ZNF385D: variants seen among roughly 807,000 people sequenced by gnomAD.
ZNF385D encodes zinc finger protein 385D.
A neutral mutation model predicts 35.8 loss-of-function variants in ZNF385D; 15 were observed. The ratio of observed to expected loss-of-function variants is 0.42; its 90% confidence interval spans 0.28 to 0.64. ZNF385D has a LOEUF of 0.64. ZNF385D is among the 30% of genes least tolerant of loss of function. The probability of loss-of-function intolerance (pLI) is 0.23; values close to 1 mark genes in which losing one functional copy is unlikely to be tolerated. For synonymous variants in ZNF385D, 212 were observed against 186.8 expected (o/e 1.13, Z -1.10); for missense variants, 474 against 494.6 (o/e 0.96, Z 0.39).
intron 2 of ZNF385D, among the ~76,000 whole-genome samples, chr3:22,197,217 A>G (rs1350977148): frequency 1.3e-5 from 2 of 152,152 alleles, no homozygotes; most frequent in African/African-American, 2.4e-5. Flanking sequence ...GTAATTTGAC[A>G]TATTTTGGCA....
chr3:22,167,867 T>C (rs1007044536), intron 3 of ZNF385D, among the ~76,000 whole-genome samples: 1 of 152,172 alleles, frequency 6.6e-6, no homozygotes, highest in Non-Finnish European at 1.5e-5. Context: ...TAAAAAATCC[T>C]TTCCAATAGA....
intron 2 of ZNF385D, among the ~76,000 whole-genome samples, chr3:21,584,493 C>T (rs184871050): frequency 2.0e-5 from 3 of 152,184 alleles, no homozygotes; most frequent in Admixed American, 1.3e-4. Flanking sequence ...GCCAAAAGGC[C>T]GAGAAGCTAT....
At chr3:22,091,688 C>G (rs187280007) in intron 3 of ZNF385D, among the ~76,000 whole-genome samples, 3 of 152,280 alleles carry the variant, frequency 2.0e-5, no homozygotes, top group Non-Finnish European at 4.4e-5. Flanking sequence ...CAGAGCCCCC[C>G]GACTGAAGGA....
chr3:22,205,622 G>A (rs910954293), intron 2 of ZNF385D, among the ~76,000 whole-genome samples: 2 of 151,970 alleles, frequency 1.3e-5, no homozygotes, highest in Non-Finnish European at 2.9e-5. Context: ...AAAATGTGGA[G>A]TCTTCATTAG....
At chr3:22,162,820 G>T (rs527536891) in intron 3 of ZNF385D, among the ~76,000 whole-genome samples, 1 of 152,276 alleles carries the variant, frequency 6.6e-6, no homozygotes, top group East Asian at 1.9e-4. Context: ...AATCAGAGAT[G>T]AACCTTCAGA....
intron 3 of ZNF385D, among the ~76,000 whole-genome samples, chr3:21,926,921 C>G (rs1278114129): frequency 6.6e-6 from 1 of 152,088 alleles, no homozygotes; most frequent in Non-Finnish European, 1.5e-5. Flanking sequence ...GGCTAATATC[C>G]AGAATCTACA....
At chr3:22,025,310 C>G (rs1300683288) in intron 3 of ZNF385D, among the ~76,000 whole-genome samples, 1 of 152,122 alleles carries the variant, frequency 6.6e-6, no homozygotes, top group Non-Finnish European at 1.5e-5. Context: ...GTTGATTCTC[C>G]TTAGAAGCCA....
At chr3:22,240,328 A>T (rs1264209488) in intron 2 of ZNF385D, among the ~76,000 whole-genome samples, 6 of 151,222 alleles carry the variant, frequency 4.0e-5, no homozygotes, top group African/African-American at 1.5e-4. Context: ...CACGGAAAGA[A>T]CACACATAAC....
chr3:22,007,932 T>G (rs1175068178), intron 3 of ZNF385D, among the ~76,000 whole-genome samples: 1 of 151,964 alleles, frequency 6.6e-6, no homozygotes, highest in Non-Finnish European at 1.5e-5. Flanking sequence ...CCTCTGAATT[T>G]TGAATTTTGT....
At chr3:22,297,248 A>G (rs548814042) in intron 2 of ZNF385D, among the ~76,000 whole-genome samples, 20 of 151,992 alleles carry the variant, frequency 1.3e-4, no homozygotes, top group Non-Finnish European at 1.9e-4. Context: ...GATCCCCCCA[A>G]TAGGACCTAT....
intron 3 of ZNF385D, among the ~76,000 whole-genome samples, chr3:21,921,391 A>G (rs1700453824): frequency 6.6e-6 from 1 of 152,178 alleles, no homozygotes; most frequent in African/African-American, 2.4e-5. Flanking sequence ...GAGGATGCCA[A>G]ATGTATTAAG....
At chr3:21,851,075 CTAA>C (rs1696353665) in intron 3 of ZNF385D, among the ~76,000 whole-genome samples, 1 of 150,298 alleles carries the variant, frequency 6.7e-6, no homozygotes, top group Non-Finnish European at 1.5e-5. Flanking sequence ...TTTAAAACAG[CTAA>C]TATTATTACC....
intron 3 of ZNF385D, among the ~76,000 whole-genome samples, chr3:22,079,415 T>C (rs6800479): frequency 0.21 from 31,539 of 151,840 alleles, 3,747 homozygotes; most frequent in Non-Finnish European, 0.26. Context: ...AAATTGACAT[T>C]CTGTTGAAGA....
chr3:21,918,426 G>C (rs10865776), intron 3 of ZNF385D, among the ~76,000 whole-genome samples: 81,337 of 151,972 alleles, frequency 0.54, 23,821 homozygotes, highest in South Asian at 0.66. Context: ...GTAAAAGTAG[G>C]GACTTTTAAG....
chr3:21,834,724 G>C (rs1452513854), intron 3 of ZNF385D, among the ~76,000 whole-genome samples: 3 of 151,956 alleles, frequency 2.0e-5, no homozygotes, highest in Non-Finnish European at 4.4e-5. Context: ...TCTCATCTTG[G>C]ACTGTAATCC....
At chr3:21,853,500 T>C (rs924717594) in intron 3 of ZNF385D, among the ~76,000 whole-genome samples, 1 of 131,002 alleles carries the variant, frequency 7.6e-6, no homozygotes, top group Non-Finnish European at 1.6e-5. Context: ...TGTTTAAAAT[T>C]GCAGTCCTTT....
At chr3:21,491,974 GC>G (rs1305012935) in intron 4 of ZNF385D, among the ~76,000 whole-genome samples, 2 of 151,948 alleles carry the variant, frequency 1.3e-5, no homozygotes, top group Non-Finnish European at 2.9e-5. Flanking sequence ...TTTAGATAAA[GC>G]TTTCATTAAA....
At chr3:22,000,900 G>C (rs866465643) in intron 3 of ZNF385D, among the ~76,000 whole-genome samples, 2 of 124,970 alleles carry the variant, frequency 1.6e-5, no homozygotes, top group Non-Finnish European at 3.1e-5. Flanking sequence ...AATATTTAAG[G>C]GAGTTTTTTT....
At chr3:22,110,138 A>G (rs1399576944) in intron 3 of ZNF385D, among the ~76,000 whole-genome samples, 1 of 152,100 alleles carries the variant, frequency 6.6e-6, no homozygotes, top group African/African-American at 2.4e-5. Context: ...TCAGGAAACA[A>G]CAGGTGCTGG....
Sources: gnomAD v4.1 joint callset for allele counts (sites outside exome capture counted in the v4.1 genomes callset) on GRCh38, gnomAD v4.1.1 for gene constraint, MANE v1.5 for transcripts, NCBI Gene and HGNC (gene_info 2026-07-23, HGNC 2026-07-21) for gene names.